Variants in MGAT4C observed in about 807,000 individuals in gnomAD.
MGAT4C encodes the protein MGAT4 family member C.
A neutral mutation model predicts 40.1 loss-of-function variants in MGAT4C; 19 were observed. That is an observed-to-expected ratio of 0.47 (90% CI 0.33 to 0.70). MGAT4C has a LOEUF of 0.70. Among genes scored for constraint, MGAT4C ranks in the 30% least tolerant of loss-of-function variants. The probability of loss-of-function intolerance (pLI) is 0.02; values close to 1 mark genes in which losing one functional copy is unlikely to be tolerated. For missense variants in MGAT4C, 491 were observed against 563.2 expected (o/e 0.87, Z 1.30); for synonymous variants, 181 against 187.1 (o/e 0.97, Z 0.27).
chr12:86,294,181 G>A (rs934156924), intron 4 of MGAT4C, among the ~76,000 whole-genome samples: 1 of 151,666 alleles, frequency 6.6e-6, no homozygotes, highest in Admixed American at 6.6e-5. Flanking sequence ...TTCTTTAGAA[G>A]CTATTTTACT....
In MGAT4C at chr12:86,761,077, A is replaced by T. The variant is rs552122138; in HGVS notation, c.-261-33836T>A. ...TGTACATTTGAAATATGTATATTTTATAGAATTCAATTATACCTCAACAAA... is the reference window on the plus strand; with the variant it reads ...TGTACATTTGAAATATGTATATTTTTTAGAATTCAATTATACCTCAACAAA... On this transcript the variant is annotated intron_variant, in intron 1 of 7. Coordinates refer to the MGAT4C transcript ENST00000548651. 9.8e-5 allele frequency among the ~76,000 whole-genome samples: 15 copies of T among 152,324 alleles called. 1 individual carries two copies. The South Asian group carries it at 1.4e-3, about 15-fold the overall frequency.
chr12:86,657,250 G>A (rs1047694334), intron 2 of MGAT4C, among the ~76,000 whole-genome samples: 3 of 151,948 alleles, frequency 2.0e-5, no homozygotes, highest in African/African-American at 7.2e-5. Context: ...AAAGCTTTGA[G>A]TGAAAACAAT....
At chr12:86,519,606 G>T (rs1030335703) in intron 2 of MGAT4C, among the ~76,000 whole-genome samples, 3 of 152,116 alleles carry the variant, frequency 2.0e-5, no homozygotes, top group South Asian at 2.1e-4. Context: ...TTTAACTGGG[G>T]TGTAATGATA....
intron 2 of MGAT4C, among the ~76,000 whole-genome samples, chr12:86,623,619 A>G (rs979774626): frequency 3.3e-5 from 5 of 152,152 alleles, no homozygotes; most frequent in Non-Finnish European, 7.4e-5. Flanking sequence ...ATATCTTTCA[A>G]AAATACATAT....
intron 1 of MGAT4C, among the ~76,000 whole-genome samples, chr12:86,091,586 C>T (rs1872892471): frequency 6.6e-6 from 1 of 151,978 alleles, no homozygotes; most frequent in South Asian, 2.1e-4. Flanking sequence ...CTGAAAGTCT[C>T]AGGCAAATAA....
intron 2 of MGAT4C, among the ~76,000 whole-genome samples, chr12:86,447,488 T>C (rs1957359871): frequency 6.6e-6 from 1 of 152,182 alleles, no homozygotes; most frequent in East Asian, 1.9e-4. Context: ...ATTGTGTCAA[T>C]AAACTTAGTT....
intron 3 of MGAT4C, among the ~76,000 whole-genome samples, chr12:86,420,848 T>C (rs1956809827): frequency 6.7e-6 from 1 of 149,672 alleles, no homozygotes; most frequent in East Asian, 2.0e-4. Context: ...CACATATGTA[T>C]ATACATATAT....
chr12:86,530,262 T>A (rs2136371887), intron 2 of MGAT4C, among the ~76,000 whole-genome samples: 1 of 152,102 alleles, frequency 6.6e-6, no homozygotes, highest in Non-Finnish European at 1.5e-5. Context: ...TAGTTCTCAC[T>A]TTTACCTAAT....
intron 3 of MGAT4C, among the ~76,000 whole-genome samples, chr12:86,387,048 A>G (rs1053478770): frequency 6.6e-6 from 1 of 152,150 alleles, no homozygotes; most frequent in African/African-American, 2.4e-5. Flanking sequence ...TGGCTTAAAT[A>G]TTGTCATAAT....
At chr12:86,191,083 GCACA>G (rs56357601) in intron 1 of MGAT4C, among the ~76,000 whole-genome samples, 24,999 of 138,132 alleles carry the variant, frequency 0.18, 2,395 homozygotes, top group East Asian at 0.24. Flanking sequence ...CTCTCTCTCT[GCACA>G]CACACACACA....
At chr12:86,688,468 T>A (rs1354119835) in intron 2 of MGAT4C, among the ~76,000 whole-genome samples, 1 of 152,144 alleles carries the variant, frequency 6.6e-6, no homozygotes, top group Non-Finnish European at 1.5e-5. Flanking sequence ...TGGTACATTT[T>A]TGCAGTGGCT....
chr12:86,740,946 C>T (rs746662154), intron 1 of MGAT4C, among the ~76,000 whole-genome samples: 11 of 150,790 alleles, frequency 7.3e-5, no homozygotes, highest in Non-Finnish European at 1.2e-4. Flanking sequence ...AATTCCGTCA[C>T]CCAGGTAGTG....
chr12:86,816,784 A>C (rs925778716), intron 1 of MGAT4C, among the ~76,000 whole-genome samples: 1 of 151,464 alleles, frequency 6.6e-6, no homozygotes, highest in Non-Finnish European at 1.5e-5. Flanking sequence ...TTTCACTTTT[A>C]TTTTTGTACC....
chr12:86,017,471 G>A (rs1012097976), intron 2 of MGAT4C, among the ~76,000 whole-genome samples: 9 of 152,140 alleles, frequency 5.9e-5, no homozygotes, highest in Admixed American at 5.9e-4. Flanking sequence ...TTATTTAAGT[G>A]AGAAGTGAGG....
chr12:86,070,864 C>A (rs1868347528), intron 1 of MGAT4C, among the ~76,000 whole-genome samples: 1 of 151,870 alleles, frequency 6.6e-6, no homozygotes, highest in Admixed American at 6.6e-5. Flanking sequence ...AAGCAAGAAG[C>A]AAAATCATTA....
intron 1 of MGAT4C, among the ~76,000 whole-genome samples, chr12:86,085,774 C>T (rs2135554632): frequency 6.6e-6 from 1 of 152,062 alleles, no homozygotes; most frequent in African/African-American, 2.4e-5. Context: ...ATGCAGCCAA[C>T]ACATATATAA....
At chr12:86,236,747 T>C (rs1427540294) in intron 1 of MGAT4C, among the ~76,000 whole-genome samples, 1 of 151,912 alleles carries the variant, frequency 6.6e-6, no homozygotes, top group African/African-American at 2.4e-5. Flanking sequence ...AAGGACCATC[T>C]CAAGTTCAAC....
chr12:86,405,953 TGTATTTATATTATAC>T (rs1956461256), intron 3 of MGAT4C, among the ~76,000 whole-genome samples: 10 of 3,600 alleles, frequency 2.8e-3, no homozygotes, highest in Non-Finnish European at 3.8e-3. Context: ...AATACATGTA[TGTATTTATATTATAC>T]ATATATATAT....
chr12:85,980,129 A>T lies in MGAT4C; in HGVS notation c.597T>A (p.Arg199=). 1 of 1,613,970 alleles carries T rather than the reference A, an allele frequency of 6.2e-7. No homozygotes were observed. The highest frequency in any genetic ancestry group is 2.2e-5 in the East Asian group (1 of 44,868). The part of the protein sequence containing the change: ...YNDPEDRVKF[R]SKQNVDYAFL... The stretch of plus-strand genomic sequence containing the variant: ...AAGCATAATCTACATTTTGCTTGGA[A>T]CGAAATTTGACTCTATCTTCTGGAT... The change falls in exon 5 of 5, where the codon CGT becomes CGA. Residue 199 remains arginine (R), a synonymous_variant. Transcript: ENST00000611864.
Sources: gnomAD v4.1 joint callset for allele counts (sites outside exome capture counted in the v4.1 genomes callset) on GRCh38, gnomAD v4.1.1 for gene constraint, MANE v1.5 for transcripts, NCBI Gene and HGNC (gene_info 2026-07-23, HGNC 2026-07-21) for gene names.